CACNA2D3: variants seen among roughly 807,000 people sequenced by gnomAD.
The protein encoded by CACNA2D3 is voltage-dependent calcium channel subunit alpha-2/delta-3.
A neutral mutation model predicts 160.6 loss-of-function variants in CACNA2D3; 60 were observed. The observed-to-expected ratio is 0.37, with a 90% confidence interval of 0.30 to 0.46. CACNA2D3 has a LOEUF of 0.46. Among genes scored for constraint, CACNA2D3 ranks in the 20% least tolerant of loss-of-function variants. The pLI, the probability that CACNA2D3 is intolerant of heterozygous loss-of-function variation, is 1.00. For synonymous variants in CACNA2D3, 558 were observed against 492.9 expected (o/e 1.13, Z -1.75); for missense variants, 1,205 against 1,365.0 (o/e 0.88, Z 1.85).
At chr3:54,846,366 A>T in intron 16 of CACNA2D3, 27 bp from the exon 17 acceptor site, 1 of 1,494,530 alleles carries the variant, frequency 6.7e-7, no homozygotes, top group Non-Finnish European at 9.2e-7. Context: ...AAGCTAATGA[A>T]GGTTTCTTTC....
At chr3:54,708,148 G>T (rs1352079252) in intron 11 of CACNA2D3, among the ~76,000 whole-genome samples, 1 of 152,172 alleles carries the variant, frequency 6.6e-6, no homozygotes, top group Non-Finnish European at 1.5e-5. Context: ...CTGGCCTCGA[G>T]TCGATCAAAG....
chr3:54,661,434 T>C (rs1699968107), intron 11 of CACNA2D3, among the ~76,000 whole-genome samples: 1 of 152,236 alleles, frequency 6.6e-6, no homozygotes, highest in Admixed American at 6.5e-5. Flanking sequence ...CAAATGTCTG[T>C]GTGAGCCAAG....
At chr3:54,355,399 G>C (rs1020876547) in intron 3 of CACNA2D3, among the ~76,000 whole-genome samples, 3 of 152,228 alleles carry the variant, frequency 2.0e-5, no homozygotes. Flanking sequence ...ATAAAGGCCA[G>C]TGAAGGGTCT....
intron 2 of CACNA2D3, among the ~76,000 whole-genome samples, chr3:54,319,658 A>C (rs1321738868): frequency 6.6e-6 from 1 of 152,178 alleles, no homozygotes; most frequent in African/African-American, 2.4e-5. Context: ...TTACACTCTT[A>C]CAGAGTCCTG....
At chr3:54,987,606 G>A (rs1312038076) in intron 30 of CACNA2D3, 77 bp from the exon 31 acceptor site, 2 of 924,086 alleles carry the variant, frequency 2.2e-6, no homozygotes, top group Admixed American at 5.0e-5. Flanking sequence ...GACACAGACT[G>A]TGTCCCTTTT....
chr3:54,911,351 C>CTTTTTTTTTTTTTTTTTTTTTTTTT (rs58289082), intron 27 of CACNA2D3, among the ~76,000 whole-genome samples: 1 of 58,586 alleles, frequency 1.7e-5, no homozygotes, highest in African/African-American at 8.8e-5. Flanking sequence ...TCTTTGTCGT[C>CTTTTTTTTTTTTTTTTTTTTTTTTT]TTTTTTTTTT....
At chr3:54,323,214 CT>C (rs995714396) in intron 3 of CACNA2D3, among the ~76,000 whole-genome samples, 10 of 152,174 alleles carry the variant, frequency 6.6e-5, no homozygotes, top group African/African-American at 2.4e-4. Flanking sequence ...GAGTGTGACT[CT>C]TTTCCTATTT....
intron 9 of CACNA2D3, among the ~76,000 whole-genome samples, chr3:54,618,374 T>TATATATGC: frequency 3.7e-5 from 2 of 54,586 alleles, no homozygotes; most frequent in Non-Finnish European, 3.1e-5. Flanking sequence ...TATATATATA[T>TATATATGC]GCACACACAC....
intron 11 of CACNA2D3, among the ~76,000 whole-genome samples, chr3:54,688,640 C>T (rs562200002): frequency 5.1e-4 from 78 of 152,012 alleles, no homozygotes; most frequent in Non-Finnish European, 1.0e-3. Flanking sequence ...AGGTCATACA[C>T]ATAAAGCACA....
chr3:54,929,571 T>G (rs1701132372), intron 27 of CACNA2D3, among the ~76,000 whole-genome samples: 1 of 152,188 alleles, frequency 6.6e-6, no homozygotes, highest in Non-Finnish European at 1.5e-5. Flanking sequence ...CCCAGTATAT[T>G]CATCCTGCCT....
chr3:55,017,788 CA>C (rs1385997971), intron 34 of CACNA2D3, among the ~76,000 whole-genome samples: 1 of 152,192 alleles, frequency 6.6e-6, no homozygotes, highest in East Asian at 1.9e-4. Flanking sequence ...TTTCATATTT[CA>C]ATTTTCTTTC....
intron 14 of CACNA2D3, among the ~76,000 whole-genome samples, chr3:54,830,652 G>A (rs1575500558): frequency 1.3e-5 from 2 of 151,924 alleles, no homozygotes; most frequent in South Asian, 2.1e-4. Flanking sequence ...ACGGGTTTTC[G>A]CCACGTTGGC....
At chr3:54,873,479 A>C (rs1011779718) in intron 18 of CACNA2D3, among the ~76,000 whole-genome samples, 7 of 152,022 alleles carry the variant, frequency 4.6e-5, no homozygotes, top group Admixed American at 4.6e-4. Context: ...AGCTCACTCC[A>C]GTCATCACCT....
intron 11 of CACNA2D3, among the ~76,000 whole-genome samples, chr3:54,691,176 C>G (rs1700563601): frequency 6.6e-6 from 1 of 152,132 alleles, no homozygotes; most frequent in Admixed American, 6.5e-5. Flanking sequence ...ATGGCTCACC[C>G]CTGTGTGAAA....
chr3:54,856,421 G>T lies in CACNA2D3; in HGVS notation c.1626+9954G>T, dbSNP rs145517862. ...GGATGAGTTACTTGCTCATTTGTGT[G>T]TGACTGGAACCCTTCCTCCCTTCCT... is the stretch of plus-strand genomic sequence containing the variant. On this transcript the variant is annotated intron_variant, in intron 17 of 37. Transcript: ENST00000474759. Among the ~76,000 whole-genome samples, 662 of 152,208 alleles carry T rather than the reference G, an allele frequency of 4.3e-3. 7 individuals carry two copies. The highest frequency in any genetic ancestry group is 0.014 in the African/African-American group (580 of 41,540).
chr3:54,753,488 C>T (rs918958594), intron 12 of CACNA2D3, among the ~76,000 whole-genome samples: 2 of 152,210 alleles, frequency 1.3e-5, no homozygotes, highest in Admixed American at 6.5e-5. Context: ...CAGCAGCCTT[C>T]ATCAGCCTGG....
chr3:55,069,495 T>A (rs1459351266), intron 35 of CACNA2D3, among the ~76,000 whole-genome samples: 1 of 151,994 alleles, frequency 6.6e-6, no homozygotes, highest in Admixed American at 6.5e-5. Flanking sequence ...ATACTGATTA[T>A]TGATACTATC....
intron 11 of CACNA2D3, among the ~76,000 whole-genome samples, chr3:54,729,289 C>T (rs1575444948): frequency 6.6e-6 from 1 of 152,128 alleles, no homozygotes; most frequent in African/African-American, 2.4e-5. Context: ...GTCTTTACTC[C>T]TTGTAATTAT....
intron 5 of CACNA2D3, among the ~76,000 whole-genome samples, chr3:54,559,185 G>A (rs946455930): frequency 5.9e-5 from 9 of 152,152 alleles, no homozygotes; most frequent in African/African-American, 2.2e-4. Context: ...AAGAAAAAGT[G>A]AACCATCACA....
Sources: gnomAD v4.1 joint callset for allele counts (sites outside exome capture counted in the v4.1 genomes callset) on GRCh38, gnomAD v4.1.1 for gene constraint, MANE v1.5 for transcripts, NCBI Gene and HGNC (gene_info 2026-07-23, HGNC 2026-07-21) for gene names.